The following VTI1A variants were observed in gnomAD, a reference collection of about 807,000 sequenced individuals.
The protein encoded by VTI1A is vesicle transport through interaction with t-SNAREs homolog 1A.
In VTI1A, 22 loss-of-function variants were observed where a neutral mutation model predicts 34.9. The ratio of observed to expected loss-of-function variants is 0.63; its 90% confidence interval spans 0.45 to 0.90. The LOEUF (loss-of-function observed/expected upper bound fraction) is 0.90. Ranked by LOEUF, VTI1A falls within the 40% of genes least tolerant of loss-of-function variation. The pLI is 0.00. For synonymous variants in VTI1A, 87 were observed against 97.3 expected, an observed-to-expected ratio of 0.89 and a Z score of 0.62; for missense variants, 268 against 275.6, an observed-to-expected ratio of 0.97 and a Z score of 0.20.
At chr10:112,684,297 T>A (rs116275947) in intron 7 of VTI1A, among the ~76,000 whole-genome samples, 2,362 of 152,276 alleles carry the variant, frequency 0.016, 28 homozygotes, top group Middle Eastern at 0.034. Flanking sequence ...TGTATGGTAT[T>A]CCCTCATAGA....
At chr10:112,784,714 T>C (rs1852231653) in intron 7 of VTI1A, among the ~76,000 whole-genome samples, 1 of 152,114 alleles carries the variant, frequency 6.6e-6, no homozygotes, top group Non-Finnish European at 1.5e-5. Flanking sequence ...CTCCCCTTCA[T>C]CCCAGAGTGC....
At chr10:112,621,915 G>A (rs1845752104) in intron 5 of VTI1A, among the ~76,000 whole-genome samples, 1 of 152,146 alleles carries the variant, frequency 6.6e-6, no homozygotes, top group Non-Finnish European at 1.5e-5. Flanking sequence ...TGCAGCATCT[G>A]TCCACCGTCC....
At chr10:112,747,308 C>T (rs1590145966) in intron 7 of VTI1A, among the ~76,000 whole-genome samples, 3 of 152,216 alleles carry the variant, frequency 2.0e-5, no homozygotes, top group Admixed American at 6.5e-5. Flanking sequence ...GACGGGGATA[C>T]GTTCTGAGAG....
chr10:112,655,478 G>C (rs1847198155), intron 5 of VTI1A, among the ~76,000 whole-genome samples: 1 of 151,752 alleles, frequency 6.6e-6, no homozygotes, highest in Admixed American at 6.6e-5. Context: ...AAACAAACAT[G>C]TTGGATTGCA....
intron 5 of VTI1A, among the ~76,000 whole-genome samples, chr10:112,664,489 T>TGATA (rs1464177885): frequency 6.6e-6 from 1 of 152,194 alleles, no homozygotes; most frequent in East Asian, 1.9e-4. Flanking sequence ...ATGCTTTCAG[T>TGATA]GATATAAGCT....
At chr10:112,848,370 C>T in the VTI1A span, among the ~76,000 whole-genome samples, 1 of 152,186 alleles carries the variant, frequency 6.6e-6, no homozygotes, top group Non-Finnish European at 1.5e-5. Context: ...AAGGGATAGG[C>T]AACGATGACT....
intron 3 of VTI1A, among the ~76,000 whole-genome samples, chr10:112,506,742 TC>T (rs1849445743): frequency 1.3e-5 from 2 of 152,200 alleles, no homozygotes; most frequent in African/African-American, 4.8e-5. Flanking sequence ...TGAGTGTCAT[TC>T]CTCTTCAGTT....
chr10:112,589,937 T>G (rs1844322896), intron 5 of VTI1A, among the ~76,000 whole-genome samples: 1 of 152,226 alleles, frequency 6.6e-6, no homozygotes, highest in African/African-American at 2.4e-5. Context: ...TTCCTTAAAG[T>G]TGATGATTTA....
At chr10:112,689,738 T>A (rs1475396157) in intron 7 of VTI1A, among the ~76,000 whole-genome samples, 1 of 152,108 alleles carries the variant, frequency 6.6e-6, no homozygotes, top group Non-Finnish European at 1.5e-5. Flanking sequence ...TTTTTTACTT[T>A]TGCTCTGCAC....
intron 3 of VTI1A, among the ~76,000 whole-genome samples, chr10:112,483,222 A>T (rs1438770802): frequency 6.6e-6 from 1 of 152,134 alleles, no homozygotes; most frequent in Non-Finnish European, 1.5e-5. Context: ...GTACAGACTG[A>T]TGTTATCATT....
the VTI1A span, among the ~76,000 whole-genome samples, chr10:112,846,781 AAG>A: frequency 0.011 from 1,616 of 150,862 alleles, 32 homozygotes; most frequent in African/African-American, 0.038. Context: ...AAAAAAAAAA[AAG>A]AAAAAAGAAA....
At chr10:112,762,361 T>C (rs1451399103) in intron 7 of VTI1A, among the ~76,000 whole-genome samples, 1 of 152,042 alleles carries the variant, frequency 6.6e-6, no homozygotes, top group Non-Finnish European at 1.5e-5. Flanking sequence ...TTTTTTTTTC[T>C]CCTGAATGGA....
intron 7 of VTI1A, among the ~76,000 whole-genome samples, chr10:112,811,534 A>T (rs911023247): frequency 2.3e-4 from 35 of 151,818 alleles, no homozygotes; most frequent in Non-Finnish European, 1.6e-4. Flanking sequence ...TACAAAAAAA[A>T]TTAGCCGGGC....
chr10:112,743,412 T>G (rs1030401184), intron 7 of VTI1A, among the ~76,000 whole-genome samples: 4 of 152,246 alleles, frequency 2.6e-5, no homozygotes, highest in Non-Finnish European at 4.4e-5. Context: ...AACAAAAGGA[T>G]TGCCTTCCAC....
At chr10:112,639,326 G>A (rs750668360) in intron 5 of VTI1A, among the ~76,000 whole-genome samples, 4 of 152,172 alleles carry the variant, frequency 2.6e-5, no homozygotes, top group Non-Finnish European at 4.4e-5. Flanking sequence ...GCTTTTAGAC[G>A]TATAGGAGAC....
Position 112,587,298 on chromosome 10 carries a change from T to A in VTI1A, c.427+48968T>A, listed in dbSNP as rs1467672310. ...AATTTAATACTTGCCATGTACCTACTGTTGCAGTAGTTAGTCACTGTGGAA... is the reference window on the plus strand; with the variant it reads ...AATTTAATACTTGCCATGTACCTACAGTTGCAGTAGTTAGTCACTGTGGAA... On this transcript the variant is annotated intron_variant, in intron 5 of 7. Transcript: ENST00000393077. Among the ~76,000 whole-genome samples the A allele has an allele frequency of 5.3e-5, 8 of 152,160 alleles. No homozygotes were observed. The South Asian group carries it at 1.7e-3, about 31-fold the overall frequency.
chr10:112,506,372 G>C (rs781508321), intron 3 of VTI1A, among the ~76,000 whole-genome samples: 1 of 152,106 alleles, frequency 6.6e-6, no homozygotes. Context: ...ATAGGGTTTG[G>C]TGTTATCTGA....
chr10:112,700,550 A>C (rs1208685139), intron 7 of VTI1A, among the ~76,000 whole-genome samples: 1 of 152,210 alleles, frequency 6.6e-6, no homozygotes, highest in Non-Finnish European at 1.5e-5. Flanking sequence ...CTCTGCATCA[A>C]AGAACTCATA....
intron 5 of VTI1A, among the ~76,000 whole-genome samples, chr10:112,572,804 A>G (rs1479884996): frequency 2.0e-5 from 3 of 147,384 alleles, no homozygotes; most frequent in African/African-American, 7.6e-5. Context: ...GCGCCACTAC[A>G]CTCCAGACTG....
Sources: gnomAD v4.1 joint callset for allele counts (sites outside exome capture counted in the v4.1 genomes callset) on GRCh38, gnomAD v4.1.1 for gene constraint, MANE v1.5 for transcripts, NCBI Gene and HGNC (gene_info 2026-07-23, HGNC 2026-07-21) for gene names.